The following ARAP2 variants were observed in gnomAD, a reference collection of about 807,000 sequenced individuals.
The protein encoded by ARAP2 is ArfGAP with RhoGAP domain, ankyrin repeat and PH domain 2.
A neutral mutation model predicts 194.5 loss-of-function variants in ARAP2; 148 were observed. The observed-to-expected ratio is 0.76, with a 90% confidence interval of 0.67 to 0.87. The LOEUF is 0.87. Ranked by LOEUF, ARAP2 falls within the 40% of genes least tolerant of loss-of-function variation. The probability of loss-of-function intolerance (pLI) is 0.00; values close to 1 mark genes in which losing one functional copy is unlikely to be tolerated. For missense variants in ARAP2, 2,128 were observed against 1,989.7 expected (o/e 1.07, Z -1.32); for synonymous variants, 695 against 683.5 (o/e 1.02, Z -0.26).
chr4:36,114,516 A>C (rs1007349177), intron 25 of ARAP2, among the ~76,000 whole-genome samples: 7 of 152,066 alleles, frequency 4.6e-5, no homozygotes, highest in African/African-American at 1.7e-4. Flanking sequence ...AGAATTTTTT[A>C]ATCTCTTACT....
intron 9 of ARAP2, among the ~76,000 whole-genome samples, chr4:36,173,355 T>G (rs1251581559): frequency 6.6e-6 from 1 of 152,128 alleles, no homozygotes; most frequent in Non-Finnish European, 1.5e-5. Flanking sequence ...TTATTTAAAC[T>G]TTTAAAAAAT....
intron 26 of ARAP2, among the ~76,000 whole-genome samples, chr4:36,113,489 GT>G (rs1177170527): frequency 6.6e-6 from 1 of 151,940 alleles, no homozygotes; most frequent in African/African-American, 2.4e-5. Context: ...AAGCTTGCGG[GT>G]GGCAAGATTT....
At chr4:36,161,627 A>C in intron 11 of ARAP2, 77 bp from the exon 12 acceptor site, 1 of 1,213,236 alleles carries the variant, frequency 8.2e-7, no homozygotes, top group Non-Finnish European at 1.2e-6. Flanking sequence ...AAGAAAGTGC[A>C]TATGTCTGTG....
At chr4:36,092,410 G>A (rs1432926885) in intron 27 of ARAP2, among the ~76,000 whole-genome samples, 1 of 152,102 alleles carries the variant, frequency 6.6e-6, no homozygotes, top group African/African-American at 2.4e-5. Flanking sequence ...AGGAGTTCAA[G>A]ACCAGCCTGG....
At chr4:36,240,436 T>C (rs76434504) in intron 1 of ARAP2, among the ~76,000 whole-genome samples, 3,396 of 152,302 alleles carry the variant, frequency 0.022, 79 homozygotes, top group African/African-American at 0.056. Flanking sequence ...AGAATGATGA[T>C]AATTTCACCT....
intron 30 of ARAP2, among the ~76,000 whole-genome samples, chr4:36,080,974 A>G (rs964760795): frequency 1.3e-5 from 2 of 152,218 alleles, no homozygotes; most frequent in Admixed American, 6.5e-5. Context: ...TTATAAGAGG[A>G]AAATTTTATA....
chr4:36,108,576 T>G (rs1719038619), intron 26 of ARAP2, among the ~76,000 whole-genome samples: 1 of 151,980 alleles, frequency 6.6e-6, no homozygotes, highest in Non-Finnish European at 1.5e-5. Flanking sequence ...AGCAAGAAAT[T>G]ACATGACATC....
At chr4:36,178,853 CTA>C (rs936072557) in intron 8 of ARAP2, among the ~76,000 whole-genome samples, 18 of 152,164 alleles carry the variant, frequency 1.2e-4, no homozygotes, top group African/African-American at 4.3e-4. Context: ...TTTCTTGAAA[CTA>C]TGGGGGTAAA....
At chr4:36,161,414 T>C in intron 12 of ARAP2, 51 bp downstream of exon 12, 1 of 1,475,396 alleles carries the variant, frequency 6.8e-7, no homozygotes, top group Non-Finnish European at 9.5e-7. Context: ...CCTCCCAGTC[T>C]CTGCAAACTG....
At chr4:36,080,436 T>G (rs1432721524) in intron 30 of ARAP2, among the ~76,000 whole-genome samples, 157 bp from the exon 31 acceptor site, 2 of 152,212 alleles carry the variant, frequency 1.3e-5, no homozygotes, top group South Asian at 2.1e-4. Context: ...ACAAGTTGTT[T>G]TGGTCTTCTG....
At chr4:36,056,596 G>A (rs1051075392) in intron 2 of ARAP2, among the ~76,000 whole-genome samples, 16 of 152,116 alleles carry the variant, frequency 1.1e-4, no homozygotes, top group African/African-American at 2.9e-4. Flanking sequence ...TTTTCTTGTC[G>A]TTTGCTTTTA....
chr4:36,151,253 T>C (rs970127304), intron 15 of ARAP2, among the ~76,000 whole-genome samples: 5 of 152,174 alleles, frequency 3.3e-5, no homozygotes, highest in Admixed American at 6.5e-5. Flanking sequence ...TAGCAAGGAA[T>C]GTACAAAACA....
intron 6 of ARAP2, among the ~76,000 whole-genome samples, chr4:36,207,113 T>C (rs1023435814): frequency 2.6e-5 from 4 of 152,242 alleles, no homozygotes; most frequent in Non-Finnish European, 5.9e-5. Flanking sequence ...CTCTTTTCTT[T>C]ACAACAGCTT....
chr4:36,038,416 C>T (rs925289668), intron 5 of ARAP2, among the ~76,000 whole-genome samples: 29 of 152,084 alleles, frequency 1.9e-4, no homozygotes, highest in African/African-American at 5.8e-4. Flanking sequence ...ATATATTTTC[C>T]TCAGTGTAAA....
At chr4:36,157,846 T>C (rs1295728124) in intron 15 of ARAP2, among the ~76,000 whole-genome samples, 1 of 152,098 alleles carries the variant, frequency 6.6e-6, no homozygotes, top group Non-Finnish European at 1.5e-5. Flanking sequence ...AAATAAGAAC[T>C]TCAAATCACA....
At chr4:36,108,936 A>C (rs868214436) in intron 26 of ARAP2, among the ~76,000 whole-genome samples, 1 of 151,972 alleles carries the variant, frequency 6.6e-6, no homozygotes, top group African/African-American at 2.4e-5. Flanking sequence ...ACCATCCAAA[A>C]CATAAAGCAC....
intron 2 of ARAP2, among the ~76,000 whole-genome samples, chr4:36,228,063 C>A (rs563970778): frequency 6.6e-6 from 1 of 152,124 alleles, no homozygotes; most frequent in East Asian, 1.9e-4. Flanking sequence ...GACTTCTATA[C>A]GAGACTGCAA....
chr4:36,034,447 CTGT>C (rs1719563215), intron 5 of ARAP2, among the ~76,000 whole-genome samples: 1 of 152,048 alleles, frequency 6.6e-6, no homozygotes, highest in African/African-American at 2.4e-5. Context: ...CTCAGCTTGG[CTGT>C]TGTTGGTGTA....
At chr4:36,016,411 A>C (rs922418407) in intron 6 of ARAP2, among the ~76,000 whole-genome samples, 17 of 152,270 alleles carry the variant, frequency 1.1e-4, no homozygotes, top group Admixed American at 3.9e-4. Context: ...ATATATCTAA[A>C]GCATTTTGCA....
Sources: allele counts gnomAD v4.1 joint callset (sites outside exome capture counted in the v4.1 genomes callset), GRCh38; gene constraint gnomAD v4.1.1; transcripts MANE v1.5; gene names NCBI Gene and HGNC (gene_info 2026-07-23, HGNC 2026-07-21).